The following SIGIRR variants were observed in gnomAD, a reference collection of about 807,000 sequenced individuals.
SIGIRR encodes single Ig and TIR domain containing.
SIGIRR carries 41 observed loss-of-function variants against 45.6 expected under a neutral mutation model. The observed-to-expected ratio is 0.90, with a 90% CI of 0.70 to 1.17. The LOEUF (loss-of-function observed/expected upper bound fraction) is 1.17, where lower values mean the gene tolerates loss of function less well. SIGIRR is among the 50% of genes most tolerant of loss of function. The pLI is 0.00. For missense variants in SIGIRR, 599 were observed against 539.6 expected, an observed-to-expected ratio of 1.11 and a Z score of -1.09; for synonymous variants, 298 against 239.0, an observed-to-expected ratio of 1.25 and a Z score of -2.28.
upstream of SIGIRR, among the ~76,000 whole-genome samples, chr11:415,678 G>A (rs1847862686): frequency 6.6e-6 from 1 of 152,236 alleles, no homozygotes; most frequent in Admixed American, 6.5e-5. This position sits in a 1 kb window ranked among gnomAD's most constrained non-coding sequence, Gnocchi z 6.6. Flanking sequence ...CCTTCAGGCT[G>A]GGGTGGGAGG....
At chr11:411,713 GGT>G (rs1158819665) in intron 1 of SIGIRR, among the ~76,000 whole-genome samples, 3 of 37,720 alleles carry the variant, frequency 8.0e-5, no homozygotes, top group African/African-American at 3.5e-4. Context: ...GGATACAGTC[GGT>G]GGGGGGGGGG....
intron 1 of SIGIRR, among the ~76,000 whole-genome samples, chr11:413,383 C>T (rs1475651469): frequency 2.0e-5 from 3 of 152,080 alleles, no homozygotes; most frequent in African/African-American, 2.4e-5. Context: ...GTCCTTGACC[C>T]AGGGGAACCA....
At chr11:406,751 A>G in intron 8 of SIGIRR, 92 bp downstream of exon 8, 1 of 1,431,040 alleles carries the variant, frequency 7.0e-7, no homozygotes, top group Non-Finnish European at 9.1e-7. Flanking sequence ...GGTGCCGCAG[A>G]GCTCCCCACG....
At position 406,912 on chromosome 11, in the gene SIGIRR, G is replaced by A. The variant is rs1184039663; in HGVS notation, c.810C>T (p.His270=). Residue 270 remains histidine, a synonymous_variant, in exon 8 of 10, where the codon CAC becomes CAT. Coordinates refer to ENST00000431843, the MANE Select transcript of SIGIRR (RefSeq NM_001135054.2). Reference sequence around the variant, plus strand: ...GCTGGCGCAGCAGGCGGAGCGCCGGGTGCGCGGGGTCGCGCCTCTGGCCCT... The same window carrying A: ...GCTGGCGCAGCAGGCGGAGCGCCGGATGCGCGGGGTCGCGCCTCTGGCCCT... ...TFEGQRRDPA[H]PALRLLRQHR... The A allele has an allele frequency of 6.3e-6, 10 of 1,593,698 alleles. No individual in the cohort carries two copies. Among genetic ancestry groups the A allele is most frequent in the Non-Finnish European group, 7.7e-6 (9 of 1,175,060 alleles).
intron 2 of SIGIRR, 107 bp downstream of exon 2, chr11:409,761 C>G: frequency 8.0e-7 from 1 of 1,252,174 alleles, no homozygotes; most frequent in South Asian, 2.2e-5. Context: ...CGGCATGTGG[C>G]CAGGCAGAGT....
chr11:411,705 A>G (rs1590384946), intron 1 of SIGIRR, among the ~76,000 whole-genome samples: 2 of 44,014 alleles, frequency 4.5e-5, no homozygotes, highest in East Asian at 5.4e-4. Flanking sequence ...CCATGTCTGG[A>G]TACAGTCGGT....
At chr11:415,802 T>A (rs1447622032), upstream of SIGIRR, among the ~76,000 whole-genome samples, 1 of 152,174 alleles carries the variant, frequency 6.6e-6, no homozygotes, top group Non-Finnish European at 1.5e-5. This position sits in a 1 kb window ranked among gnomAD's most constrained non-coding sequence, Gnocchi z 6.6. Context: ...ACTCCCCAGG[T>A]TGACCTGGGA....
chr11:405,731 CTT>C lies in SIGIRR; in HGVS notation c.*163_*164del, dbSNP rs1351423554. Reference sequence around the variant, plus strand: ...GAGGCCCCAGCAGAATCCAAAAGGACTTTATTTTCTGGCACTGGGAGGCGCCC... The same window carrying C: ...GAGGCCCCAGCAGAATCCAAAAGGACTATTTTCTGGCACTGGGAGGCGCCC... On this transcript the variant is annotated 3_prime_UTR_variant, in exon 10 of 10. Coordinates refer to ENST00000431843, the MANE Select transcript of SIGIRR (RefSeq NM_001135054.2). The C allele has an allele frequency of 1.9e-5, 15 of 785,230 alleles. No individual in the cohort carries two copies. Among genetic ancestry groups the C allele is most frequent in the Non-Finnish European group, 2.7e-5 (14 of 516,280 alleles). The allele number at this position is 785,230 out of a possible 1,614,324, so 48.6% of individuals were successfully genotyped here.
In SIGIRR at chr11:405,786, C is replaced by CTGGCAGGGTCCCAGGGCTGT; in HGVS notation, c.*109_*110insACAGCCCTGGGACCCTGCCA. On this transcript the variant is annotated 3_prime_UTR_variant, in exon 10 of 10. Coordinates refer to ENST00000431843, the MANE Select transcript of SIGIRR (RefSeq NM_001135054.2). ...AGGCCACAGCCTTTTCCCAGGGCTG[C>CTGGCAGGGTCCCAGGGCTGT]TGGCAGGGTCCCAGGGCTGCTGGCA... 7.3e-7 allele frequency: 1 copy of CTGGCAGGGTCCCAGGGCTGT among 1,367,074 alleles called. No individual in the cohort carries two copies. Among genetic ancestry groups the CTGGCAGGGTCCCAGGGCTGT allele is most frequent in the Non-Finnish European group, 9.8e-7 (1 of 1,016,532 alleles). The allele number at this position is 1,367,074 out of a possible 1,614,324, so 84.7% of individuals were successfully genotyped here.
At chr11:409,729 T>G in intron 2 of SIGIRR, 139 bp downstream of exon 2, 1 of 964,900 alleles carries the variant, frequency 1.0e-6, no homozygotes, top group Non-Finnish European at 1.4e-6. Context: ...GTGGGAGGGG[T>G]GAGCAGGGGC....
Position 409,984 on chromosome 11 carries a change from T to C in SIGIRR, c.-110A>G. ...CCAAGAGCTGGGCAGGACTCCTCTC[T>C]GTCCTTGCAGTCAGCTGGACAGGGC... On this transcript the variant is annotated 5_prime_UTR_variant, in exon 2 of 10. Coordinates refer to ENST00000431843, the MANE Select transcript of SIGIRR (RefSeq NM_001135054.2). 8.0e-7 allele frequency: 1 copy of C among 1,249,600 alleles called. No homozygotes were observed. Among genetic ancestry groups the C allele is most frequent in the African/African-American group, 1.5e-5 (1 of 64,602 alleles). The allele number at this position is 1,249,600 out of a possible 1,614,324, so 77.4% of individuals were successfully genotyped here.
chr11:405,752 G>A lies in SIGIRR; in HGVS notation c.*144C>T, dbSNP rs1001261276. 18 of 963,612 alleles carry A rather than the reference G, an allele frequency of 1.9e-5. No individual in the cohort carries two copies. The highest frequency in any genetic ancestry group is 2.5e-5 in the Non-Finnish European group (17 of 670,248). 59.7% of individuals were successfully genotyped at this position (963,612 alleles called of 1,614,324 possible). On this transcript the variant is annotated 3_prime_UTR_variant, in exon 10 of 10. Transcript: ENST00000431843. ...AGGACTTTATTTTCTGGCACTGGGA[G>A]GCGCCCTGAGGCCACAGCCTTTTCC...
chr11:412,933 C>G (rs868461055), intron 1 of SIGIRR, among the ~76,000 whole-genome samples: 1 of 152,190 alleles, frequency 6.6e-6, no homozygotes, highest in Non-Finnish European at 1.5e-5. Flanking sequence ...CAGCCACACA[C>G]ACCTCAAGTC....
At chr11:416,200 A>C (rs1185205787), upstream of SIGIRR, among the ~76,000 whole-genome samples, 1 of 151,772 alleles carries the variant, frequency 6.6e-6, no homozygotes, top group Admixed American at 6.6e-5. The surrounding 1 kb of genome is among the most constrained non-coding windows in gnomAD (Gnocchi z 9.1). Context: ...GGCCCAGGGC[A>C]CCCCCGCAGG....
At chr11:415,290 C>T (rs567374223), upstream of SIGIRR, among the ~76,000 whole-genome samples, 4 of 142,972 alleles carry the variant, frequency 2.8e-5, no homozygotes, top group South Asian at 2.3e-4. This position sits in a 1 kb window ranked among gnomAD's most constrained non-coding sequence, Gnocchi z 6.6. Flanking sequence ...GCAGTATGTG[C>T]GTGTGCGTGC....
At chr11:415,540 C>A (rs1847859233), upstream of SIGIRR, among the ~76,000 whole-genome samples, 1 of 152,152 alleles carries the variant, frequency 6.6e-6, no homozygotes, top group Admixed American at 6.5e-5. This position sits in a 1 kb window ranked among gnomAD's most constrained non-coding sequence, Gnocchi z 6.6. Flanking sequence ...GGAACAGGGC[C>A]TTCAGAAACT....
chr11:409,606 T>A, intron 2 of SIGIRR: 1 of 420,810 alleles, frequency 2.4e-6, no homozygotes, highest in Admixed American at 4.0e-5. Flanking sequence ...GCCCCAGCAG[T>A]GCCCACTCCT....
chr11:407,176 C>T lies in SIGIRR; in HGVS notation c.626-12G>A, dbSNP rs1847360063. The T allele has an allele frequency of 3.8e-6, 3 of 783,780 alleles. No individual in the cohort carries two copies. Among genetic ancestry groups the T allele is most frequent in the Non-Finnish European group, 4.8e-6 (3 of 628,166 alleles). 48.6% of individuals were successfully genotyped at this position (783,780 alleles called of 1,614,324 possible). On this transcript the variant is annotated splice_polypyrimidine_tract_variant and intron_variant, in intron 6 of 9. Coordinates refer to ENST00000431843, the MANE Select transcript of SIGIRR (RefSeq NM_001135054.2). ...GTCGGCGGAGGGCTCTGCGGGAGGGCGGGCGTCGGCGGCGCAGGGGCGGGG... is the reference window on the plus strand; with the variant it reads ...GTCGGCGGAGGGCTCTGCGGGAGGGTGGGCGTCGGCGGCGCAGGGGCGGGG...
intron 4 of SIGIRR, 55 bp downstream of exon 4, chr11:408,018 G>A: frequency 6.2e-7 from 1 of 1,607,122 alleles, no homozygotes; most frequent in East Asian, 2.2e-5. Context: ...AAGATCCCTG[G>A]GCCTCACTAG....
Sources: gnomAD v4.1 joint callset for allele counts (sites outside exome capture counted in the v4.1 genomes callset) on GRCh38, gnomAD v4.1.1 for gene constraint, Gnocchi (gnomAD v3.1) non-coding constraint, MANE v1.5 for transcripts, NCBI Gene and HGNC (gene_info 2026-07-23, HGNC 2026-07-21) for gene names.